ZNF354A: variants seen among roughly 807,000 people sequenced by gnomAD.
The protein encoded by ZNF354A is epididymis luminal protein 104.
ZNF354A carries 25 observed loss-of-function variants against 53.3 expected under a neutral mutation model. The ratio of observed to expected loss-of-function variants is 0.47; its 90% CI spans 0.34 to 0.66. The LOEUF is 0.66. Among genes scored for constraint, ZNF354A ranks in the 30% least tolerant of loss-of-function variants. The pLI is 0.01. For synonymous variants in ZNF354A, 228 were observed against 249.0 expected (o/e 0.92, Z 0.79); for missense variants, 586 against 716.8 (o/e 0.82, Z 2.08).
intron 4 of ZNF354A, among the ~76,000 whole-genome samples, chr5:178,715,086 C>G (rs1765688889): frequency 6.6e-6 from 1 of 152,138 alleles, no homozygotes; most frequent in East Asian, 1.9e-4. Flanking sequence ...AAGTAAAGAA[C>G]AGAAGTGAAG....
rs1229176484 is a variant in ZNF354A, at chr5:178,713,139, A to G, written c.739T>C (p.Cys247Arg). The G allele has an allele frequency of 5.0e-6, 8 of 1,614,044 alleles. No homozygotes were observed. The highest frequency in any genetic ancestry group is 6.8e-6 in the Non-Finnish European group (8 of 1,180,042). Residue 247 changes from cysteine (C) to arginine (R), a missense_variant, in exon 5 of 5, where the codon TGT becomes CGT. Around this residue, in one of 2 missense-constraint regions of ZNF354A, gnomAD observed 573 missense variants for 680.1 expected, o/e 0.84. Coordinates refer to ENST00000335815, the MANE Select transcript of ZNF354A (RefSeq NM_005649.3). ...SGEKLFKCKE[C>R]SKAFSQSSAL... is the part of the protein sequence containing the mutation. ...GAACTTTGGCTAAAGGCTTTTGAAC[A>G]TTCTTTACACTTAAATAGTTTCTCT... is the stretch of plus-strand genomic sequence containing the variant.
In ZNF354A at chr5:178,713,562, C is replaced by T. The variant is rs567015688; in HGVS notation, c.316G>A (p.Gly106Arg). ...STQTQDSSFQ[G>R]LILKRSNRNV... ...CTGTTGGATCTTTTCAGTATCAGTCCCTGAAATGAAGAGTCTTGTGTTTGC... is the reference window on the plus strand; with the variant it reads ...CTGTTGGATCTTTTCAGTATCAGTCTCTGAAATGAAGAGTCTTGTGTTTGC... The change falls in exon 5 of 5, where the codon GGA becomes AGA. Residue 106 changes from glycine to arginine, a missense_variant. Physicochemically the swap from Gly to Arg is moderately radical, Grantham distance 125. Around this residue, in one of 2 missense-constraint regions of ZNF354A, gnomAD observed 573 missense variants for 680.1 expected, o/e 0.84. Transcript: ENST00000335815. 3.5e-5 allele frequency: 56 copies of T among 1,605,100 alleles called. No individual in the cohort carries two copies. The East Asian group carries it at 1.2e-3, about 34-fold the overall frequency.
intron 4 of ZNF354A, among the ~76,000 whole-genome samples, chr5:178,720,939 G>A (rs1765801863): frequency 6.6e-6 from 1 of 152,172 alleles, no homozygotes; most frequent in African/African-American, 2.4e-5. Flanking sequence ...CCACCAACCT[G>A]GAACACAATT....
intron 4 of ZNF354A, among the ~76,000 whole-genome samples, chr5:178,721,618 T>C (rs1765814252): frequency 6.6e-6 from 1 of 152,176 alleles, no homozygotes; most frequent in Non-Finnish European, 1.5e-5. Flanking sequence ...TCCTCCTCAT[T>C]CCACTTTACA....
At chr5:178,715,829 A>G (rs1279025872) in intron 4 of ZNF354A, among the ~76,000 whole-genome samples, 1 of 151,494 alleles carries the variant, frequency 6.6e-6, no homozygotes, top group African/African-American at 2.4e-5. Context: ...TACTATCTCT[A>G]CCATAATCTC....
rs188800346 is a variant in ZNF354A, at chr5:178,725,306, A to G, written c.256+70T>C. ...AATTCTCAAGGGAGTTTCCCAACCA[A>G]CGTTCCTACCTCCTCTCATTAACCA... On this transcript the variant is annotated intron_variant, in intron 4 of 4. Transcript: ENST00000335815. The G allele has an allele frequency of 1.2e-3, 1,815 of 1,485,684 alleles. 31 individuals are homozygous for G. The Admixed American group carries it at 0.028, about 23-fold the overall frequency. 92.0% of individuals were successfully genotyped at this position (1,485,684 alleles called of 1,614,324 possible).
Position 178,712,642 on chromosome 5 carries a change from G to C in ZNF354A, c.1236C>G (p.Cys412Trp). 6.2e-7 allele frequency: 1 copy of C among 1,613,914 alleles called. No individual in the cohort carries two copies. The highest frequency in any genetic ancestry group is 8.5e-7 in the Non-Finnish European group (1 of 1,179,960). The stretch of plus-strand genomic sequence containing the variant: ...AAGTAAAGCCTTTCCCACATTCATT[G>C]CATCTATAGGGCTTTTCTCCGGTGT... The part of the protein sequence containing the change: ...RIHTGEKPYR[C>W]NECGKGFTSI... Residue 412 changes from cysteine to tryptophan, a missense_variant, in exon 5 of 5, where the codon TGC becomes TGG. By Grantham distance (215) the Cys-to-Trp change is radical. This residue lies in a region of ZNF354A where 573 missense variants were observed against 680.1 expected (regional missense o/e 0.84). Transcript: ENST00000335815.
At chr5:178,722,091 T>C (rs925968164) in intron 4 of ZNF354A, among the ~76,000 whole-genome samples, 2 of 152,176 alleles carry the variant, frequency 1.3e-5, no homozygotes, top group Non-Finnish European at 2.9e-5. Context: ...TTCCTTACAG[T>C]ACGCTTTTAC....
intron 4 of ZNF354A, 44 bp downstream of exon 4, chr5:178,725,332 G>C: frequency 6.3e-7 from 1 of 1,584,284 alleles, no homozygotes; most frequent in South Asian, 1.1e-5. Flanking sequence ...TCATTAACCA[G>C]ACCATTGTCT....
Position 178,712,862 on chromosome 5 carries a change from G to T in ZNF354A, c.1016C>A (p.Thr339Lys). 6.2e-7 allele frequency: 1 copy of T among 1,614,142 alleles called. No homozygotes were observed. Among genetic ancestry groups the T allele is most frequent in the Non-Finnish European group, 8.5e-7 (1 of 1,180,018 alleles). ...NPGRKASSCS[T>K]SLSGCQRIHS... ...AATTCTTTGACATCCAGAAAGGGAT[G>T]TGCTGCAACTAGATGCCTTCCTACC... is the stretch of plus-strand genomic sequence containing the variant. The change falls in exon 5 of 5, where the codon ACA (threonine) becomes AAA (lysine). Residue 339 changes from threonine (T) to lysine (K), a missense_variant. Thr to Lys is a moderately conservative substitution (Grantham distance 78). Around this residue, in one of 2 missense-constraint regions of ZNF354A, gnomAD observed 573 missense variants for 680.1 expected, o/e 0.84. Coordinates refer to ENST00000335815, the MANE Select transcript of ZNF354A (RefSeq NM_005649.3).
intron 4 of ZNF354A, among the ~76,000 whole-genome samples, chr5:178,721,095 T>C (rs1484690479): frequency 6.6e-6 from 1 of 152,228 alleles, no homozygotes; most frequent in Non-Finnish European, 1.5e-5. Context: ...CCCTGTTCCA[T>C]CCTTTTTCTT....
chr5:178,720,983 G>A (rs1235198597), intron 4 of ZNF354A, among the ~76,000 whole-genome samples: 1 of 151,984 alleles, frequency 6.6e-6, no homozygotes, highest in Admixed American at 6.6e-5. Context: ...ATATGTAGGG[G>A]GTACTTTCTC....
In ZNF354A at chr5:178,724,565, T is replaced by C. The variant is rs1168228365; in HGVS notation, c.256+811A>G. Among the ~76,000 whole-genome samples, 3 of 152,140 alleles carry C rather than the reference T, an allele frequency of 2.0e-5. No individual in the cohort carries two copies. In the East Asian group the frequency reaches 5.8e-4, roughly 29 times the overall value. ...AAACACGATGCTTCCAAAGTGACCA[T>C]TCTTGTGAATTCAAATCACATAAGA... is the stretch of plus-strand genomic sequence containing the variant. On this transcript the variant is annotated intron_variant, in intron 4 of 4. Transcript: ENST00000335815.
chr5:178,713,064 A>G lies in ZNF354A; in HGVS notation c.814T>C (p.Cys272Arg). The G allele has an allele frequency of 6.2e-7, 1 of 1,614,034 alleles. No individual in the cohort carries two copies. The highest frequency in any genetic ancestry group is 8.5e-7 in the Non-Finnish European group (1 of 1,179,938). The change falls in exon 5 of 5, where the codon TGT becomes CGT. Residue 272 changes from cysteine to arginine, a missense_variant. Cys to Arg is a radical substitution (Grantham distance 180). This residue lies in a region of ZNF354A where 573 missense variants were observed against 680.1 expected (regional missense o/e 0.84). Coordinates refer to ENST00000335815, the MANE Select transcript of ZNF354A (RefSeq NM_005649.3). ...ITHTGEKPYI[C>R]KECGKAFTLS... ...GTAAAGGCTTTCCCACATTCTTTACATATGTAGGGTTTCTCTCCAGTATGC... is the reference window on the plus strand; with the variant it reads ...GTAAAGGCTTTCCCACATTCTTTACGTATGTAGGGTTTCTCTCCAGTATGC...
Sources: allele counts gnomAD v4.1 joint callset (sites outside exome capture counted in the v4.1 genomes callset), GRCh38; gene constraint gnomAD v4.1.1; regional missense constraint gnomAD v4.1.1; transcripts MANE v1.5; gene names NCBI Gene and HGNC (gene_info 2026-07-23, HGNC 2026-07-21).